Variants in GABBR2 observed in about 807,000 individuals in gnomAD.
The protein encoded by GABBR2 is G-protein coupled receptor 51.
Under a neutral mutation model 105.6 loss-of-function variants are expected in GABBR2, and 23 were observed. That is an observed-to-expected ratio of 0.22 (90% CI 0.16 to 0.31). The LOEUF is 0.31. Among genes scored for constraint, GABBR2 ranks in the 10% least tolerant of loss-of-function variants. The pLI, the probability that GABBR2 is intolerant of heterozygous loss-of-function variation, is 1.00. For missense variants in GABBR2, 734 were observed against 1,245.5 expected (o/e 0.59, Z 6.18); for synonymous variants, 478 against 499.7 (o/e 0.96, Z 0.58).
At position 98,406,932 on chromosome 9, in the gene GABBR2, G is replaced by A. The variant is rs139913310; in HGVS notation, c.1237-791C>T. 2.0e-3 allele frequency among the ~76,000 whole-genome samples: 306 copies of A among 152,268 alleles called. 2 individuals carry two copies. Among genetic ancestry groups the A allele is most frequent in the Non-Finnish European group, 3.5e-3 (238 of 68,006 alleles). ...GGAAATTGACACACACTATATCACT[G>A]AATCTTCATGCCAAACGTAAGTGAT... On this transcript the variant is annotated intron_variant, in intron 7 of 18. Coordinates refer to ENST00000259455, the MANE Select transcript of GABBR2 (RefSeq NM_005458.8).
chr9:98,657,522 T>C (rs527394711), intron 1 of GABBR2, among the ~76,000 whole-genome samples: 3 of 152,238 alleles, frequency 2.0e-5, no homozygotes, highest in African/African-American at 7.2e-5. Flanking sequence ...AGGGACCCTG[T>C]TTTAGCGGAA....
chr9:98,405,574 C>T (rs1180417027), intron 8 of GABBR2, among the ~76,000 whole-genome samples: 7 of 152,140 alleles, frequency 4.6e-5, no homozygotes, highest in Admixed American at 4.6e-4. Context: ...CCTAGGGATC[C>T]ATGGAGGATT....
intron 8 of GABBR2, among the ~76,000 whole-genome samples, chr9:98,402,455 G>C (rs1832410926): frequency 6.6e-6 from 1 of 152,172 alleles, no homozygotes; most frequent in Non-Finnish European, 1.5e-5. Flanking sequence ...CCTGAGGTGT[G>C]TGCCCAACAG....
In GABBR2 at chr9:98,422,129, A is replaced by AGAAAAATGGGTGAAGCTTC. The variant is rs1363775031; in HGVS notation, c.1237-15989_1237-15988insGAAGCTTCACCCATTTTTC. Among the ~76,000 whole-genome samples the AGAAAAATGGGTGAAGCTTC allele has an allele frequency of 2.0e-5, 3 of 151,400 alleles. No homozygotes were observed. In the Admixed American group the frequency reaches 2.0e-4, roughly 10 times the overall value. On this transcript the variant is annotated intron_variant, in intron 7 of 18. Coordinates refer to ENST00000259455, the MANE Select transcript of GABBR2 (RefSeq NM_005458.8). ...TGAAAATCAACAATATAAAGACAGC[A>AGAAAAATGGGTGAAGCTTC]ACCCCAACAGAAAAATGGGTGAAGC...
chr9:98,642,266 C>T (rs1019023603), intron 1 of GABBR2, among the ~76,000 whole-genome samples: 4 of 152,226 alleles, frequency 2.6e-5, no homozygotes, highest in Non-Finnish European at 4.4e-5. Flanking sequence ...TCAGTCTCCT[C>T]GTCCAATTAG....
chr9:98,567,930 G>A (rs1828774098), intron 2 of GABBR2, among the ~76,000 whole-genome samples: 1 of 152,194 alleles, frequency 6.6e-6, no homozygotes, highest in Non-Finnish European at 1.5e-5. Context: ...GAGAGCCTGG[G>A]AGAGTATACA....
intron 8 of GABBR2, among the ~76,000 whole-genome samples, chr9:98,403,554 T>C (rs1437435383): frequency 6.6e-6 from 1 of 151,988 alleles, no homozygotes; most frequent in Non-Finnish European, 1.5e-5. Flanking sequence ...AATTCTGGAA[T>C]GAGATCATCG....
chr9:98,321,070 C>T (rs1830813078), intron 13 of GABBR2, among the ~76,000 whole-genome samples: 1 of 152,012 alleles, frequency 6.6e-6, no homozygotes, highest in Admixed American at 6.6e-5. Flanking sequence ...GGAACAGGAC[C>T]TGGAGCCTAC....
At chr9:98,603,348 C>T (rs1829369590) in intron 1 of GABBR2, among the ~76,000 whole-genome samples, 1 of 152,194 alleles carries the variant, frequency 6.6e-6, no homozygotes, top group Non-Finnish European at 1.5e-5. Flanking sequence ...CACTGTGTTT[C>T]CTCAATGGCC....
chr9:98,703,315 T>C (rs941402205), intron 1 of GABBR2, among the ~76,000 whole-genome samples: 1 of 152,140 alleles, frequency 6.6e-6, no homozygotes, highest in African/African-American at 2.4e-5. Flanking sequence ...ACAGCACACC[T>C]TAGGTTTTTT....
chr9:98,406,454 C>T (rs1564055154), intron 7 of GABBR2, among the ~76,000 whole-genome samples: 1 of 152,336 alleles, frequency 6.6e-6, no homozygotes, highest in African/African-American at 2.4e-5. Context: ...ATAATGGGGA[C>T]GACGTCTTCT....
chr9:98,384,353 G>A (rs888803467), intron 11 of GABBR2, among the ~76,000 whole-genome samples: 1 of 152,206 alleles, frequency 6.6e-6, no homozygotes, highest in African/African-American at 2.4e-5. Context: ...TAACTAGGGA[G>A]GCCGAGGCAG....
intron 3 of GABBR2, among the ~76,000 whole-genome samples, chr9:98,535,086 T>C (rs1357365838): frequency 6.6e-6 from 1 of 151,994 alleles, no homozygotes; most frequent in African/African-American, 2.4e-5. Flanking sequence ...AACCATGAAT[T>C]GAGGATATTT....
intron 1 of GABBR2, among the ~76,000 whole-genome samples, chr9:98,702,352 A>C (rs923494733): frequency 1.3e-5 from 2 of 151,518 alleles, no homozygotes; most frequent in Non-Finnish European, 2.9e-5. Flanking sequence ...CCCGTTCTTC[A>C]CAACACCCTC....
At chr9:98,428,159 G>T (rs539030518) in intron 7 of GABBR2, among the ~76,000 whole-genome samples, 1 of 152,206 alleles carries the variant, frequency 6.6e-6, no homozygotes, top group South Asian at 2.1e-4. Flanking sequence ...CAAAAGAAGA[G>T]ACTTTATTAA....
chr9:98,353,524 C>T (rs1831436415), intron 13 of GABBR2, among the ~76,000 whole-genome samples: 1 of 152,140 alleles, frequency 6.6e-6, no homozygotes, highest in Non-Finnish European at 1.5e-5. Flanking sequence ...CCAGATCCAT[C>T]AGAGAAATCT....
intron 1 of GABBR2, chr9:98,707,134 A>G (rs1830905841): frequency 6.6e-6 from 1 of 152,186 alleles, no homozygotes; most frequent in South Asian, 2.1e-4. Flanking sequence ...TACAATCTAG[A>G]TTCTGCTCTT....
chr9:98,377,420 T>A (rs1023723833), intron 11 of GABBR2, among the ~76,000 whole-genome samples: 2 of 152,196 alleles, frequency 1.3e-5, no homozygotes, highest in East Asian at 1.9e-4. Flanking sequence ...TGGAGCTCAC[T>A]CAGAGGGGTC....
chr9:98,608,184 A>G (rs1829457761), intron 1 of GABBR2: 2 of 1,057,548 alleles, frequency 1.9e-6, no homozygotes, highest in Non-Finnish European at 2.8e-6. Flanking sequence ...GCCAGCTTGG[A>G]CATCAGTGTT....
Sources: allele counts gnomAD v4.1 joint callset (sites outside exome capture counted in the v4.1 genomes callset), GRCh38; gene constraint gnomAD v4.1.1; transcripts MANE v1.5; gene names NCBI Gene and HGNC (gene_info 2026-07-23, HGNC 2026-07-21).